The following CADM1 variants were observed in gnomAD, a reference collection of about 807,000 sequenced individuals.
CADM1 encodes the protein cell adhesion molecule 1, also known as TSLC-1.
Under a neutral mutation model 53.1 loss-of-function variants are expected in CADM1, and 15 were observed. The ratio of observed to expected loss-of-function variants is 0.28; its 90% CI spans 0.19 to 0.44. CADM1 has a LOEUF of 0.44. CADM1 is among the 20% of genes least tolerant of loss of function. CADM1 has a pLI of 1.00. For synonymous variants in CADM1, 281 were observed against 243.0 expected (o/e 1.16, Z -1.45); for missense variants, 434 against 611.3 (o/e 0.71, Z 3.06).
intron 1 of CADM1, among the ~76,000 whole-genome samples, chr11:115,313,555 G>A (rs993864870): frequency 3.9e-5 from 6 of 152,152 alleles, no homozygotes; most frequent in Non-Finnish European, 8.8e-5. Context: ...CTGCTGGACA[G>A]CTAACTGACT....
At chr11:115,336,891 T>C (rs1485396994) in intron 1 of CADM1, among the ~76,000 whole-genome samples, 1 of 152,208 alleles carries the variant, frequency 6.6e-6, no homozygotes, top group African/African-American at 2.4e-5. Flanking sequence ...GTTGCTGTTA[T>C]TATTAGTAAC....
intron 7 of CADM1, 61 bp from the exon 8 acceptor site, chr11:115,209,718 T>C (rs1467760699): frequency 1.3e-6 from 2 of 1,596,406 alleles, no homozygotes; most frequent in Non-Finnish European, 8.5e-7. Flanking sequence ...TGACCAGTAA[T>C]GACAAAACAA....
chr11:115,264,175 C>T (rs1031811768), intron 1 of CADM1, among the ~76,000 whole-genome samples: 2 of 152,096 alleles, frequency 1.3e-5, no homozygotes, highest in Admixed American at 1.3e-4. Flanking sequence ...ATTTTATCTT[C>T]CAGCTACATT....
intron 1 of CADM1, among the ~76,000 whole-genome samples, chr11:115,274,479 T>C (rs887306371): frequency 6.6e-6 from 1 of 152,216 alleles, no homozygotes; most frequent in African/African-American, 2.4e-5. Context: ...CGCATTTCAG[T>C]TTCATACAAC....
At chr11:115,490,835 G>T (rs1364930499) in intron 1 of CADM1, among the ~76,000 whole-genome samples, 1 of 152,166 alleles carries the variant, frequency 6.6e-6, no homozygotes, top group African/African-American at 2.4e-5. Context: ...CTTGGACAAG[G>T]GACCTATTAC....
At chr11:115,354,206 A>G (rs1945806289) in intron 1 of CADM1, among the ~76,000 whole-genome samples, 1 of 152,180 alleles carries the variant, frequency 6.6e-6, no homozygotes, top group Admixed American at 6.6e-5. Flanking sequence ...ATCATTTACT[A>G]AGGACCTACT....
intron 1 of CADM1, among the ~76,000 whole-genome samples, chr11:115,499,632 G>A (rs1591309624): frequency 6.6e-6 from 1 of 152,348 alleles, no homozygotes; most frequent in East Asian, 1.9e-4. Flanking sequence ...TCCACTGGCT[G>A]GACATCAAGG....
intron 1 of CADM1, among the ~76,000 whole-genome samples, chr11:115,320,245 T>C (rs1475489483): frequency 1.3e-5 from 2 of 152,092 alleles, no homozygotes; most frequent in Non-Finnish European, 1.5e-5. Flanking sequence ...TTATTTTTTA[T>C]AGAGACGAGG....
At chr11:115,244,029 T>C (rs1478006792) in intron 1 of CADM1, among the ~76,000 whole-genome samples, 1 of 152,212 alleles carries the variant, frequency 6.6e-6, no homozygotes, top group African/African-American at 2.4e-5. Flanking sequence ...AACTGGATTT[T>C]TATTTGTATC....
intron 1 of CADM1, among the ~76,000 whole-genome samples, chr11:115,344,253 A>C (rs1466374036): frequency 2.0e-5 from 2 of 101,612 alleles, no homozygotes; most frequent in African/African-American, 7.8e-5. Context: ...TCACCTATCC[A>C]TTCTATACAA....
chr11:115,377,330 G>T (rs976609471), intron 1 of CADM1: 1 of 152,088 alleles, frequency 6.6e-6, no homozygotes, highest in African/African-American at 2.4e-5. Context: ...ACAGCAGAAC[G>T]CTTCTGAGAG....
At chr11:115,411,339 T>G (rs1400014203) in intron 1 of CADM1, among the ~76,000 whole-genome samples, 2 of 152,246 alleles carry the variant, frequency 1.3e-5, no homozygotes, top group African/African-American at 4.8e-5. Flanking sequence ...TAACACAATC[T>G]GTACCACTCA....
At chr11:115,365,856 A>G (rs192951073) in intron 1 of CADM1, among the ~76,000 whole-genome samples, 100 of 152,340 alleles carry the variant, frequency 6.6e-4, no homozygotes, top group Non-Finnish European at 1.2e-3. Context: ...AATTTTTAGG[A>G]TAAGACCATT....
At chr11:115,473,740 GA>G (rs531984665) in intron 1 of CADM1, among the ~76,000 whole-genome samples, 1 of 150,988 alleles carries the variant, frequency 6.6e-6, no homozygotes, top group South Asian at 2.1e-4. Flanking sequence ...AAACTTTTAG[GA>G]AAAAAAACAA....
intron 8 of CADM1, among the ~76,000 whole-genome samples, chr11:115,198,963 C>T (rs1190241284): frequency 1.3e-5 from 2 of 152,236 alleles, no homozygotes; most frequent in African/African-American, 4.8e-5. Flanking sequence ...ACTGCTTATG[C>T]TCAGATGCCT....
At chr11:115,395,731 T>C (rs905188284) in intron 1 of CADM1, among the ~76,000 whole-genome samples, 1 of 152,208 alleles carries the variant, frequency 6.6e-6, no homozygotes, top group Non-Finnish European at 1.5e-5. Context: ...AAACTCTCTA[T>C]TAAGTTCAAA....
At chr11:115,247,435 A>G (rs1942443250) in intron 1 of CADM1, among the ~76,000 whole-genome samples, 1 of 152,234 alleles carries the variant, frequency 6.6e-6, no homozygotes, top group African/African-American at 2.4e-5. Context: ...AGCAGTATTA[A>G]GCAAAAGGCC....
chr11:115,262,419 T>C (rs1943003077), intron 1 of CADM1, among the ~76,000 whole-genome samples: 1 of 152,156 alleles, frequency 6.6e-6, no homozygotes, highest in Admixed American at 6.5e-5. Flanking sequence ...AACAATAGGC[T>C]TACTTATATT....
chr11:115,424,620 C>T (rs748260162), intron 1 of CADM1, among the ~76,000 whole-genome samples: 3 of 152,044 alleles, frequency 2.0e-5, no homozygotes, highest in Non-Finnish European at 4.4e-5. Context: ...CTCTGCCTCC[C>T]AAGTTCAACA....
Sources: allele counts gnomAD v4.1 joint callset (sites outside exome capture counted in the v4.1 genomes callset), GRCh38; gene constraint gnomAD v4.1.1; transcripts MANE v1.5; gene names NCBI Gene and HGNC (gene_info 2026-07-23, HGNC 2026-07-21).